The following STX8 variants were observed in gnomAD, a reference collection of about 807,000 sequenced individuals.
STX8 encodes syntaxin-8.
A neutral mutation model predicts 37.5 loss-of-function variants in STX8; 23 were observed. The ratio of observed to expected loss-of-function variants is 0.61; its 90% CI spans 0.44 to 0.87. The LOEUF (loss-of-function observed/expected upper bound fraction) is 0.87, where lower values mean the gene tolerates loss of function less well. STX8 is among the 40% of genes least tolerant of loss of function. The pLI, the probability that STX8 is intolerant of heterozygous loss-of-function variation, is 0.00. For synonymous variants in STX8, 115 were observed against 99.1 expected (o/e 1.16, Z -0.95); for missense variants, 313 against 284.7 (o/e 1.10, Z -0.71).
intron 4 of STX8, among the ~76,000 whole-genome samples, chr17:9,533,185 G>T (rs937164660): frequency 2.0e-5 from 3 of 152,220 alleles, no homozygotes; most frequent in African/African-American, 7.2e-5. Flanking sequence ...ATTGCTTGCA[G>T]GCTGGTCACG....
chr17:9,337,730 C>T (rs889347588), intron 7 of STX8, among the ~76,000 whole-genome samples: 2 of 152,170 alleles, frequency 1.3e-5, no homozygotes, highest in African/African-American at 4.8e-5. Context: ...GACATACCAT[C>T]CCAAATCAAC....
intron 6 of STX8, among the ~76,000 whole-genome samples, chr17:9,404,732 C>T (rs928463282): frequency 2.0e-5 from 3 of 152,290 alleles, no homozygotes; most frequent in Admixed American, 6.5e-5. Context: ...GGATTACAGG[C>T]GTGAGCCACT....
chr17:9,489,052 T>G (rs1906735341), intron 6 of STX8, among the ~76,000 whole-genome samples: 1 of 152,150 alleles, frequency 6.6e-6, no homozygotes, highest in African/African-American at 2.4e-5. Flanking sequence ...AATTTTTGTA[T>G]GTTTAGTACA....
At chr17:9,337,377 CTTATT>C (rs1263246449) in intron 7 of STX8, among the ~76,000 whole-genome samples, 1 of 151,884 alleles carries the variant, frequency 6.6e-6, no homozygotes, top group South Asian at 2.1e-4. Flanking sequence ...TCTGCCATCT[CTTATT>C]TTATTTCTTT....
intron 7 of STX8, among the ~76,000 whole-genome samples, chr17:9,356,100 T>G (rs1910873221): frequency 1.3e-5 from 2 of 152,156 alleles, no homozygotes; most frequent in Admixed American, 1.3e-4. Flanking sequence ...TAGAAGACAT[T>G]AAGTTCAGTT....
At chr17:9,462,317 A>C (rs1430038425) in intron 6 of STX8, among the ~76,000 whole-genome samples, 1 of 152,236 alleles carries the variant, frequency 6.6e-6, no homozygotes, top group Non-Finnish European at 1.5e-5. Flanking sequence ...TAATGAAGAC[A>C]AACTCACTTT....
chr17:9,300,331 C>CAA (rs3060137), intron 7 of STX8, among the ~76,000 whole-genome samples: 25,715 of 68,232 alleles, frequency 0.38, 3,955 homozygotes, highest in Middle Eastern at 0.52. Context: ...AACTCCATCT[C>CAA]AAAAAAAAAA....
chr17:9,458,359 C>T (rs1241649259), intron 6 of STX8, among the ~76,000 whole-genome samples: 2 of 152,130 alleles, frequency 1.3e-5, no homozygotes, highest in Non-Finnish European at 2.9e-5. Context: ...CCGTGTCAGC[C>T]AGGATGGTGT....
At chr17:9,474,772 AC>A (rs1190800715) in intron 6 of STX8, among the ~76,000 whole-genome samples, 1 of 152,214 alleles carries the variant, frequency 6.6e-6, no homozygotes, top group Admixed American at 6.5e-5. Context: ...GGAGATCGAG[AC>A]CATCCTGGCT....
At chr17:9,417,623 C>A (rs112834325) in intron 6 of STX8, among the ~76,000 whole-genome samples, 2,607 of 152,210 alleles carry the variant, frequency 0.017, 83 homozygotes, top group African/African-American at 0.059. Flanking sequence ...CTCAGTGGGG[C>A]CCTAGATAGC....
At chr17:9,494,128 G>C (rs1246957044) in intron 5 of STX8, among the ~76,000 whole-genome samples, 1 of 151,644 alleles carries the variant, frequency 6.6e-6, no homozygotes, top group Non-Finnish European at 1.5e-5. Flanking sequence ...CCATTCTCCT[G>C]CCTCAGCCTC....
In STX8 at chr17:9,487,357, G is replaced by A. The variant is rs372503710; in HGVS notation, c.541+4472C>T. ...AGCCAATGTGCTGCCCTTTTCCAGC[G>A]CCCCTGACTCCCTATCACTCAGATC... On this transcript the variant is annotated intron_variant, in intron 6 of 7. Coordinates refer to ENST00000306357, the MANE Select transcript of STX8 (RefSeq NM_004853.3). Among the ~76,000 whole-genome samples, 8 of 152,122 alleles carry A rather than the reference G, an allele frequency of 5.3e-5. No homozygotes were observed. In the South Asian group the frequency reaches 8.3e-4, roughly 16 times the overall value.
intron 6 of STX8, among the ~76,000 whole-genome samples, chr17:9,455,989 G>A (rs973373530): frequency 6.6e-6 from 1 of 152,048 alleles, no homozygotes; most frequent in Non-Finnish European, 1.5e-5. Context: ...GGATCTGGGG[G>A]CACAATTTAC....
At position 9,330,395 on chromosome 17, in the gene STX8, T is replaced by G. The variant is rs79882727; in HGVS notation, c.643+48157A>C. On this transcript the variant is annotated intron_variant, in intron 7 of 7. Transcript: ENST00000306357. ...GGATGGAATCAAGTTGGGAGTGAGG[T>G]TGTGCCTGGAGCCAGGCTCTAACCA... Among the ~76,000 whole-genome samples, 553 of 152,118 alleles carry G rather than the reference T, an allele frequency of 3.6e-3. 4 individuals carry two copies. The highest frequency in any genetic ancestry group is 0.013 in the African/African-American group (526 of 41,498).
intron 7 of STX8, among the ~76,000 whole-genome samples, chr17:9,301,718 T>C (rs571679262): frequency 6.4e-4 from 98 of 152,116 alleles, no homozygotes; most frequent in Non-Finnish European, 1.2e-3. Context: ...GGTCTTGATC[T>C]GACCTCGTGA....
At chr17:9,496,691 C>T (rs987627854) in intron 5 of STX8, among the ~76,000 whole-genome samples, 2 of 152,140 alleles carry the variant, frequency 1.3e-5, no homozygotes, top group Non-Finnish European at 1.5e-5. Flanking sequence ...GGGGGATTAG[C>T]CTGGATTATC....
chr17:9,458,162 T>G (rs1905235723), intron 6 of STX8, among the ~76,000 whole-genome samples: 1 of 152,194 alleles, frequency 6.6e-6, no homozygotes, highest in Non-Finnish European at 1.5e-5. Context: ...TTAATTTTAT[T>G]TTTTTGAGAT....
intron 4 of STX8, among the ~76,000 whole-genome samples, chr17:9,523,137 C>A (rs1905422540): frequency 1.3e-5 from 2 of 151,674 alleles, no homozygotes; most frequent in South Asian, 4.2e-4. Context: ...ACAGTGAAAC[C>A]CCATCTCTAC....
rs1292623085 is a variant in STX8, at chr17:9,410,647, T to C, written c.542-31994A>G. On this transcript the variant is annotated intron_variant, in intron 6 of 7. Transcript: ENST00000306357. ...TTCAAATGTTCAAAATCGGAATGGG[T>C]TTTCCAAATATAAATTAATTACCAA... Among the ~76,000 whole-genome samples the C allele has an allele frequency of 2.6e-5, 4 of 152,190 alleles. No homozygotes were observed. In the East Asian group the frequency reaches 7.7e-4, roughly 29 times the overall value.
Sources: gnomAD v4.1 joint callset for allele counts (sites outside exome capture counted in the v4.1 genomes callset) on GRCh38, gnomAD v4.1.1 for gene constraint, MANE v1.5 for transcripts, NCBI Gene and HGNC (gene_info 2026-07-23, HGNC 2026-07-21) for gene names.